ARB2A: variants seen among roughly 807,000 people sequenced by gnomAD.
ARB2A encodes the protein cotranscriptional regulator ARB2A.
chr5:93,763,787 C>T, the ARB2A span, among the ~76,000 whole-genome samples: 3 of 152,148 alleles, frequency 2.0e-5, no homozygotes, highest in Admixed American at 6.5e-5. Context: ...AAATTCACCA[C>T]ACAGTTGGAA....
At chr5:93,879,261 T>C in the ARB2A span, among the ~76,000 whole-genome samples, 1 of 151,922 alleles carries the variant, frequency 6.6e-6, no homozygotes, top group Middle Eastern at 3.2e-3. Context: ...ACTTACTATC[T>C]AGAAGTATGT....
At chr5:93,930,231 G>A in the ARB2A span, among the ~76,000 whole-genome samples, 8 of 152,124 alleles carry the variant, frequency 5.3e-5, no homozygotes, top group African/African-American at 9.7e-5. Flanking sequence ...TTGATAATAC[G>A]CAGATGAAGA....
the ARB2A span, among the ~76,000 whole-genome samples, chr5:93,979,574 C>CA: frequency 2.6e-5 from 4 of 151,854 alleles, no homozygotes; most frequent in African/African-American, 7.3e-5. Context: ...GATATTTTTA[C>CA]AAAAAAACCC....
the ARB2A span, among the ~76,000 whole-genome samples, chr5:94,012,180 A>G: frequency 6.6e-6 from 1 of 152,114 alleles, no homozygotes; most frequent in Non-Finnish European, 1.5e-5. Context: ...AGGCGGGCAG[A>G]TCACAAGGTC....
At chr5:93,802,742 A>G in the ARB2A span, among the ~76,000 whole-genome samples, 1,169 of 152,260 alleles carry the variant, frequency 7.7e-3, 9 homozygotes, top group Non-Finnish European at 0.013. Context: ...GATGTTTAGC[A>G]GTAGATAGGT....
At chr5:93,928,965 G>A in the ARB2A span, among the ~76,000 whole-genome samples, 3 of 150,904 alleles carry the variant, frequency 2.0e-5, no homozygotes, top group African/African-American at 7.3e-5. Flanking sequence ...AATGTACCAC[G>A]AAGTCAACTG....
chr5:93,663,624 G>T, the ARB2A span, among the ~76,000 whole-genome samples: 2 of 152,116 alleles, frequency 1.3e-5, no homozygotes, highest in Non-Finnish European at 2.9e-5. Flanking sequence ...CATGTACGAC[G>T]ATGGAATGGG....
the ARB2A span, among the ~76,000 whole-genome samples, chr5:93,953,833 C>A: frequency 5.5e-4 from 83 of 152,160 alleles, no homozygotes; most frequent in African/African-American, 1.8e-3. Flanking sequence ...GCTAAGCACC[C>A]GAGACACAAG....
the ARB2A span, among the ~76,000 whole-genome samples, chr5:93,953,103 C>A: frequency 2.0e-5 from 3 of 152,264 alleles, no homozygotes; most frequent in Middle Eastern, 3.4e-3. Flanking sequence ...ATCTTGAATT[C>A]TCTGTCTGAA....
the ARB2A span, among the ~76,000 whole-genome samples, chr5:93,804,477 T>C: frequency 2.0e-5 from 3 of 151,898 alleles, no homozygotes; most frequent in Non-Finnish European, 4.4e-5. Flanking sequence ...GTTAAGATGA[T>C]ATAACTGTAT....
the ARB2A span, among the ~76,000 whole-genome samples, chr5:93,868,309 G>A: frequency 6.6e-6 from 1 of 152,112 alleles, no homozygotes; most frequent in Non-Finnish European, 1.5e-5. Context: ...GACAGGATGG[G>A]ACACTATCTC....
At chr5:93,980,943 G>A in the ARB2A span, among the ~76,000 whole-genome samples, 1 of 151,840 alleles carries the variant, frequency 6.6e-6, no homozygotes, top group African/African-American at 2.4e-5. Flanking sequence ...TAAGCTTAAG[G>A]CATACCACCT....
chr5:93,805,587 AC>A, the ARB2A span: 1 of 985,182 alleles, frequency 1.0e-6, no homozygotes, highest in Non-Finnish European at 1.2e-6. Context: ...CACAGAGGTC[AC>A]AATCCTTTAT....
At chr5:93,865,951 C>T in the ARB2A span, 148 of 985,408 alleles carry the variant, frequency 1.5e-4, 1 homozygote, top group African/African-American at 2.4e-3. Flanking sequence ...ATACACAGCA[C>T]AACTCCAGGG....
At chr5:93,657,102 T>C in the ARB2A span, among the ~76,000 whole-genome samples, 1 of 152,178 alleles carries the variant, frequency 6.6e-6, no homozygotes, top group African/African-American at 2.4e-5. Context: ...CCAGTATCTG[T>C]AGATCTGAGA....
At chr5:93,950,497 G>T in the ARB2A span, among the ~76,000 whole-genome samples, 1,151 of 152,130 alleles carry the variant, frequency 7.6e-3, 13 homozygotes, top group African/African-American at 0.026. Context: ...TCAAAAATTA[G>T]CCAGGCGTGG....
At chr5:94,029,840 C>T in the ARB2A span, among the ~76,000 whole-genome samples, 4 of 152,120 alleles carry the variant, frequency 2.6e-5, no homozygotes, top group African/African-American at 9.7e-5. Flanking sequence ...TGTATAATGG[C>T]GTATTAATCT....
the ARB2A span, among the ~76,000 whole-genome samples, chr5:93,991,595 A>C: frequency 6.6e-6 from 1 of 152,074 alleles, no homozygotes; most frequent in African/African-American, 2.4e-5. Flanking sequence ...AAAAATAAAA[A>C]ATGGAACTGC....
chr5:93,889,744 T>C, the ARB2A span, among the ~76,000 whole-genome samples: 5 of 151,868 alleles, frequency 3.3e-5, no homozygotes, highest in African/African-American at 9.7e-5. Flanking sequence ...TGTGACCCTT[T>C]GGTATACATG....
Sources: allele counts gnomAD v4.1 joint callset (sites outside exome capture counted in the v4.1 genomes callset), GRCh38; gene constraint gnomAD v4.1.1; transcripts MANE v1.5; gene names NCBI Gene and HGNC (gene_info 2026-07-23, HGNC 2026-07-21).